The following YY1 variants were observed in gnomAD, a reference collection of about 807,000 sequenced individuals.
YY1 encodes YY1 transcription factor, also known as transcriptional repressor protein YY1.
Under a neutral mutation model 35.6 loss-of-function variants are expected in YY1, and 2 were observed. The ratio of observed to expected loss-of-function variants is 0.06; its 90% confidence interval spans 0.02 to 0.18. The LOEUF is 0.18. Ranked by LOEUF, YY1 falls within the 10% of genes least tolerant of loss-of-function variation. The pLI is 1.00. For missense variants in YY1, 322 were observed against 573.4 expected (o/e 0.56, Z 4.48); for synonymous variants, 268 against 238.9 (o/e 1.12, Z -1.12).
chr14:100,243,981 G>T (rs1890790223), intron 1 of YY1, among the ~76,000 whole-genome samples: 1 of 151,880 alleles, frequency 6.6e-6, no homozygotes, highest in African/African-American at 2.4e-5. Context: ...TGTGGCGGGT[G>T]CCTGTAGTGC....
At chr14:100,240,055 TGCGGCGGCGGGGGCGCG>T (rs1321774430) in intron 1 of YY1, 132 bp downstream of exon 1, 33 of 638,558 alleles carry the variant, frequency 5.2e-5, no homozygotes, top group Non-Finnish European at 6.5e-5. Context: ...TGGCGGGCCG[TGCGGCGGCGGGGGCGCG>T]GCGGCGGCGG....
In YY1 at chr14:100,276,371, TTAAAA is replaced by T; in HGVS notation, c.904-117_904-113del. ...TGTTCTACCGTAATACTAAGTAAAA[TTAAAA>T]TGGGGGGTTGGGGAGGTGGTTTTGT... On this transcript the variant is annotated intron_variant, in intron 3 of 4. Coordinates refer to ENST00000262238, the MANE Select transcript of YY1 (RefSeq NM_003403.5). This position sits in a 1 kb window ranked among gnomAD's most constrained non-coding sequence, Gnocchi z 4.1. 7.2e-7 allele frequency: 1 copy of T among 1,393,512 alleles called. No homozygotes were observed. The highest frequency in any genetic ancestry group is 1.0e-6 in the Non-Finnish European group (1 of 997,754). 86.3% of individuals were successfully genotyped at this position (1,393,512 alleles called of 1,614,324 possible).
At chr14:100,254,687 C>T (rs1189550962) in intron 1 of YY1, among the ~76,000 whole-genome samples, 3 of 152,052 alleles carry the variant, frequency 2.0e-5, no homozygotes, top group Admixed American at 1.3e-4. Context: ...GAACTCCTGA[C>T]CTTAGGTGAT....
intron 2 of YY1, among the ~76,000 whole-genome samples, chr14:100,274,133 A>G (rs1891286701): frequency 6.6e-6 from 1 of 152,224 alleles, no homozygotes; most frequent in Non-Finnish European, 1.5e-5. Flanking sequence ...TAATATCTAT[A>G]AATCTTGATT....
In YY1 at chr14:100,276,955, T is replaced by C. The variant is rs1891329595; in HGVS notation, c.1062+307T>C. 1 of 447,566 alleles carries C rather than the reference T, an allele frequency of 2.2e-6. No individual in the cohort carries two copies. The highest frequency in any genetic ancestry group is 4.1e-6 in the Non-Finnish European group (1 of 244,738). The allele number at this position is 447,566 out of a possible 1,614,324, so 27.7% of individuals were successfully genotyped here. A position where few individuals can be genotyped will look rare whatever the true frequency, so the allele number is the denominator to read the frequency against. On this transcript the variant is annotated intron_variant, in intron 4 of 4. Transcript: ENST00000262238. The surrounding 1 kb of genome is among the most constrained non-coding windows in gnomAD (Gnocchi z 4.1). ...AATTTCTACTTCATTCATTACAGGA[T>C]TGAAGTAATTTATTTTTGGTAGTTA...
At chr14:100,251,352 G>A (rs76561779) in intron 1 of YY1, among the ~76,000 whole-genome samples, 1 of 152,222 alleles carries the variant, frequency 6.6e-6, no homozygotes, top group East Asian at 1.9e-4. Flanking sequence ...GCTAGAATAT[G>A]TGAGGGACCA....
At chr14:100,249,604 T>C (rs1890890539) in intron 1 of YY1, among the ~76,000 whole-genome samples, 2 of 152,162 alleles carry the variant, frequency 1.3e-5, no homozygotes, top group Non-Finnish European at 2.9e-5. Context: ...TCAGGGCTTA[T>C]ACCAAAATAC....
chr14:100,261,724 TAGA>T (rs1209098910), intron 1 of YY1, among the ~76,000 whole-genome samples: 1 of 151,978 alleles, frequency 6.6e-6, no homozygotes, highest in Non-Finnish European at 1.5e-5. Context: ...AGGGCCAAAA[TAGA>T]GGAGTGAAGA....
At chr14:100,259,808 G>T (rs1273424107) in intron 1 of YY1, among the ~76,000 whole-genome samples, 1 of 152,162 alleles carries the variant, frequency 6.6e-6, no homozygotes, top group African/African-American at 2.4e-5. Context: ...GTGCAAAGGA[G>T]AAATAGAAGG....
chr14:100,276,242 A>T lies in YY1; in HGVS notation c.904-248A>T. 1 of 509,620 alleles carries T rather than the reference A, an allele frequency of 2.0e-6. No individual in the cohort carries two copies. Among genetic ancestry groups the T allele is most frequent in the Non-Finnish European group, 3.5e-6 (1 of 286,126 alleles). The allele number at this position is 509,620 out of a possible 1,614,324, so 31.6% of individuals were successfully genotyped here. A position where few individuals can be genotyped will look rare whatever the true frequency, so the allele number is the denominator to read the frequency against. On this transcript the variant is annotated intron_variant, in intron 3 of 4. Transcript: ENST00000262238. The surrounding 1 kb of genome is among the most constrained non-coding windows in gnomAD (Gnocchi z 4.1). ...TAGTAGTGTGACCTTGGGCAAGTCT[A>T]CTTAAAGACATCTCTAAGCCTCAGT...
chr14:100,264,446 A>G (rs1054137161), intron 2 of YY1, among the ~76,000 whole-genome samples: 16 of 152,148 alleles, frequency 1.1e-4, no homozygotes, highest in African/African-American at 3.9e-4. Context: ...CAAAATGATT[A>G]TAGACGTGAG....
At chr14:100,269,240 G>A (rs561163018) in intron 2 of YY1, among the ~76,000 whole-genome samples, 1 of 152,264 alleles carries the variant, frequency 6.6e-6, no homozygotes, top group South Asian at 2.1e-4. Flanking sequence ...TTCACACATA[G>A]CCAATGGTAA....
At chr14:100,254,042 G>A (rs1890964330) in intron 1 of YY1, among the ~76,000 whole-genome samples, 1 of 150,854 alleles carries the variant, frequency 6.6e-6, no homozygotes, top group African/African-American at 2.4e-5. Context: ...CACCATGTTG[G>A]CCAGGCTGGT....
At chr14:100,255,998 A>G (rs559049719) in intron 1 of YY1, among the ~76,000 whole-genome samples, 9 of 152,298 alleles carry the variant, frequency 5.9e-5, no homozygotes, top group Non-Finnish European at 8.8e-5. Flanking sequence ...TGAGTCAGGC[A>G]TGGTATTGTG....
At chr14:100,271,265 T>C (rs920070012) in intron 2 of YY1, among the ~76,000 whole-genome samples, 2 of 151,962 alleles carry the variant, frequency 1.3e-5, no homozygotes, top group African/African-American at 4.8e-5. Context: ...AATAAATTAA[T>C]TAAATTAAAT....
chr14:100,273,689 A>G (rs1352485720), intron 2 of YY1, among the ~76,000 whole-genome samples: 1 of 152,088 alleles, frequency 6.6e-6, no homozygotes. Context: ...TTAAATATGA[A>G]CCATCATGGA....
intron 2 of YY1, among the ~76,000 whole-genome samples, chr14:100,270,323 A>G (rs1302605516): frequency 1.4e-5 from 2 of 146,034 alleles, no homozygotes; most frequent in African/African-American, 5.0e-5. Context: ...AGCAAAATGT[A>G]TGGGAGGCCG....
Position 100,239,224 on chromosome 14 carries a change from G to T in YY1, c.-21G>T. ...CCGAGGAGCCGAGGCCGCCGCGGCC[G>T]TGGCGGCGGAGCCCTCAGCCATGGC... On this transcript the variant is annotated 5_prime_UTR_variant, in exon 1 of 5. Coordinates refer to ENST00000262238, the MANE Select transcript of YY1 (RefSeq NM_003403.5). 1 of 1,468,492 alleles carries T rather than the reference G, an allele frequency of 6.8e-7. No individual in the cohort carries two copies. Among genetic ancestry groups the T allele is most frequent in the African/African-American group, 1.5e-5 (1 of 66,934 alleles). 91.0% of individuals were successfully genotyped at this position (1,468,492 alleles called of 1,614,324 possible).
rs753246327 is a variant in YY1 at position 100,239,511 on chromosome 14, G to C, written c.267G>C (p.Leu89=). ...CGCCCATGATCGCTCTGCAGCCGCT[G>C]GTCACCGACGACCCGACCCAGGTGC... ...HHPPMIALQP[L]VTDDPTQVHH... is the part of the protein sequence containing the mutation. The change falls in exon 1 of 5, where the codon CTG becomes CTC. Residue 89 remains leucine (L), a synonymous_variant. Coordinates refer to ENST00000262238, the MANE Select transcript of YY1 (RefSeq NM_003403.5). 12 of 1,611,112 alleles carry C rather than the reference G, an allele frequency of 7.4e-6. No individual in the cohort carries two copies. The South Asian group carries it at 1.3e-4, about 18-fold the overall frequency.
Sources: allele counts gnomAD v4.1 joint callset (sites outside exome capture counted in the v4.1 genomes callset), GRCh38; gene constraint gnomAD v4.1.1; non-coding constraint Gnocchi (gnomAD v3.1); transcripts MANE v1.5; gene names NCBI Gene and HGNC (gene_info 2026-07-23, HGNC 2026-07-21).